Variants in LGR5 observed in about 807,000 individuals in gnomAD.
LGR5 encodes the protein leucine rich repeat containing G protein-coupled receptor 5.
LGR5 carries 54 observed loss-of-function variants against 76.7 expected under a neutral mutation model. The observed-to-expected ratio is 0.70, with a 90% CI of 0.57 to 0.88. The LOEUF (loss-of-function observed/expected upper bound fraction) is 0.88. Ranked by LOEUF, LGR5 falls within the 40% of genes least tolerant of loss-of-function variation. The pLI is 0.00. For missense variants in LGR5, 1,078 were observed against 1,073.3 expected (o/e 1.00, Z -0.06); for synonymous variants, 406 against 421.9 (o/e 0.96, Z 0.46).
chr12:71,471,648 T>G (rs960756094), intron 1 of LGR5, among the ~76,000 whole-genome samples: 254 of 150,486 alleles, frequency 1.7e-3, no homozygotes, highest in African/African-American at 5.9e-3. Context: ...TTTGTTTTTT[T>G]TTTTTTAAGA....
intron 8 of LGR5, among the ~76,000 whole-genome samples, chr12:71,562,305 A>G (rs552495325): frequency 6.6e-6 from 1 of 152,242 alleles, no homozygotes; most frequent in East Asian, 1.9e-4. Context: ...CTAAGCCTCT[A>G]TCTCCATTCA....
In LGR5 at chr12:71,440,139, C is replaced by G; in HGVS notation, c.59C>G (p.Thr20Ser). The change falls in exon 1 of 18, where the codon ACC (threonine) becomes AGC (serine). Residue 20 changes from threonine (T) to serine (S), a missense_variant. Transcript: ENST00000266674. The surrounding 1 kb of genome is among the most constrained non-coding windows in gnomAD (Gnocchi z 5.3). ...TTGCCTGTGCTGCTGCAGCTGGCGA[C>G]CGGGGGCAGCTCTCCCAGGTCTGGT... The part of the protein sequence containing the change: ...LSLPVLLQLA[T>S]GGSSPRSGVL... 1 of 1,609,700 alleles carries G rather than the reference C, an allele frequency of 6.2e-7. No homozygotes were observed. Among genetic ancestry groups the G allele is most frequent in the Non-Finnish European group, 8.5e-7 (1 of 1,179,762 alleles).
chr12:71,474,923 C>G (rs755877638), intron 1 of LGR5, among the ~76,000 whole-genome samples: 8 of 152,126 alleles, frequency 5.3e-5, no homozygotes, highest in Admixed American at 1.3e-4. Flanking sequence ...TTGGGGTGTA[C>G]AGATGCAGAA....
At chr12:71,578,144 G>A in intron 14 of LGR5, 148 bp downstream of exon 14, 1 of 605,414 alleles carries the variant, frequency 1.7e-6, no homozygotes, top group Non-Finnish European at 2.9e-6. Flanking sequence ...TCAGAGCCAG[G>A]GAGGAGTTCT....
chr12:71,481,009 C>G (rs1873573058), intron 1 of LGR5, among the ~76,000 whole-genome samples: 1 of 152,172 alleles, frequency 6.6e-6, no homozygotes, highest in Non-Finnish European at 1.5e-5. Flanking sequence ...CTCCATTCTT[C>G]AGATCATGGG....
chr12:71,584,975 A>T lies in LGR5; in HGVS notation c.*241A>T. 1 of 428,766 alleles carries T rather than the reference A, an allele frequency of 2.3e-6. No individual in the cohort carries two copies. The highest frequency in any genetic ancestry group is 4.1e-6 in the Non-Finnish European group (1 of 243,456). The allele number at this position is 428,766 out of a possible 1,614,324, so 26.6% of individuals were successfully genotyped here. Reference sequence around the variant, plus strand: ...ATAGATCGATCACACTATTTAAGTGAGCCCAGATCAAAAAAGCAGATTGAA... The same window carrying T: ...ATAGATCGATCACACTATTTAAGTGTGCCCAGATCAAAAAAGCAGATTGAA... On this transcript the variant is annotated 3_prime_UTR_variant, in exon 18 of 18. Coordinates refer to ENST00000266674, the MANE Select transcript of LGR5 (RefSeq NM_003667.4).
intron 2 of LGR5, among the ~76,000 whole-genome samples, chr12:71,507,323 T>C (rs1031822998): frequency 4.6e-5 from 7 of 152,286 alleles, no homozygotes; most frequent in African/African-American, 9.6e-5. Context: ...GCTTTTTTTT[T>C]CTCCAATAGC....
chr12:71,559,955 G>A (rs1752237429), intron 7 of LGR5, among the ~76,000 whole-genome samples: 1 of 151,864 alleles, frequency 6.6e-6, no homozygotes, highest in African/African-American at 2.4e-5. Context: ...GTACTTTATA[G>A]ATTTGTAGAT....
intron 2 of LGR5, among the ~76,000 whole-genome samples, chr12:71,516,004 A>G (rs993705459): frequency 2.6e-5 from 4 of 152,204 alleles, no homozygotes; most frequent in Non-Finnish European, 5.9e-5. Context: ...GTGGACAATA[A>G]TAATCCCTGA....
At chr12:71,473,522 C>G (rs1028960535) in intron 1 of LGR5, among the ~76,000 whole-genome samples, 8 of 151,834 alleles carry the variant, frequency 5.3e-5, no homozygotes, top group African/African-American at 1.9e-4. Flanking sequence ...GCCTCTAATC[C>G]CAGCACTTCA....
chr12:71,446,720 A>T (rs1345664106), intron 1 of LGR5, among the ~76,000 whole-genome samples: 1 of 152,232 alleles, frequency 6.6e-6, no homozygotes, highest in African/African-American at 2.4e-5. Flanking sequence ...TCAGGAACAC[A>T]ATTTATGAAG....
intron 1 of LGR5, among the ~76,000 whole-genome samples, chr12:71,469,184 C>G (rs1872984648): frequency 6.6e-6 from 1 of 152,174 alleles, no homozygotes; most frequent in Non-Finnish European, 1.5e-5. Flanking sequence ...TGAATTTATT[C>G]AGCCTGAAAA....
intron 1 of LGR5, among the ~76,000 whole-genome samples, chr12:71,494,036 C>G (rs55701512): frequency 0.023 from 3,419 of 149,484 alleles, 280 homozygotes; most frequent in African/African-American, 0.082. Context: ...CTCTGCCTCC[C>G]GGGTTCACGC....
At chr12:71,462,597 G>A (rs986924086) in intron 1 of LGR5, among the ~76,000 whole-genome samples, 1 of 152,100 alleles carries the variant, frequency 6.6e-6, no homozygotes, top group Admixed American at 6.6e-5. Flanking sequence ...ATCAATGGCT[G>A]GGAGTAATCG....
intron 2 of LGR5, among the ~76,000 whole-genome samples, chr12:71,513,857 A>C (rs1243430615): frequency 1.3e-5 from 2 of 152,226 alleles, no homozygotes. Flanking sequence ...GATCTGAAGC[A>C]ACTGAGGCAG....
intron 1 of LGR5, among the ~76,000 whole-genome samples, chr12:71,494,624 T>C (rs1874230615): frequency 1.3e-5 from 2 of 151,252 alleles, no homozygotes; most frequent in South Asian, 4.1e-4. Context: ...GTTTGTGGTC[T>C]ATAATTTCTA....
chr12:71,523,342 C>G (rs1875816909), intron 2 of LGR5, among the ~76,000 whole-genome samples: 1 of 152,078 alleles, frequency 6.6e-6, no homozygotes, highest in East Asian at 1.9e-4. Flanking sequence ...CCCCAAATCC[C>G]CATCTCCATC....
In LGR5 at chr12:71,487,918, C is replaced by T. The variant is rs551511021; in HGVS notation, c.213-16696C>T. 5.3e-5 allele frequency among the ~76,000 whole-genome samples: 8 copies of T among 152,222 alleles called. No homozygotes were observed. In the South Asian group the frequency reaches 1.7e-3, roughly 32 times the overall value. ...TAATAAAATCAACAGTAGTTATACG[C>T]CATCCCCTTTTCTTTAATAGCTTCT... On this transcript the variant is annotated intron_variant, in intron 1 of 17. Transcript: ENST00000266674.
intron 2 of LGR5, among the ~76,000 whole-genome samples, chr12:71,517,886 C>G (rs1006750726): frequency 6.6e-6 from 1 of 151,546 alleles, no homozygotes; most frequent in South Asian, 2.1e-4. Context: ...AAGTATAAAA[C>G]GTTGCTCCTC....
Sources: gnomAD v4.1 joint callset for allele counts (sites outside exome capture counted in the v4.1 genomes callset) on GRCh38, gnomAD v4.1.1 for gene constraint, Gnocchi (gnomAD v3.1) non-coding constraint, MANE v1.5 for transcripts, NCBI Gene and HGNC (gene_info 2026-07-23, HGNC 2026-07-21) for gene names.